The following ASPH variants were observed in gnomAD, a reference collection of about 807,000 sequenced individuals.
ASPH encodes aspartyl/asparaginyl beta-hydroxylase.
In ASPH, 100 loss-of-function variants were observed where a neutral mutation model predicts 118.4. The ratio of observed to expected loss-of-function variants is 0.84; its 90% confidence interval spans 0.72 to 1.00. The LOEUF (loss-of-function observed/expected upper bound fraction) is 1.00. Ranked by LOEUF, ASPH falls within the 50% of genes least tolerant of loss-of-function variation. ASPH has a pLI of 0.00. For missense variants in ASPH, 920 were observed against 919.5 expected (o/e 1.00, Z -0.01); for synonymous variants, 315 against 325.6 (o/e 0.97, Z 0.35).
intron 5 of ASPH, among the ~76,000 whole-genome samples, chr8:61,647,298 T>C (rs1378337277): frequency 1.3e-5 from 2 of 152,240 alleles, no homozygotes; most frequent in Non-Finnish European, 2.9e-5. Flanking sequence ...TTCCTGGGAA[T>C]TGACATAGAA....
chr8:61,638,510 G>A, intron 10 of ASPH, 147 bp from the exon 11 acceptor site: 1 of 684,446 alleles, frequency 1.5e-6, no homozygotes, highest in Admixed American at 3.1e-5. Flanking sequence ...AGAGAGTAGG[G>A]TGGAGAAGAG....
chr8:61,519,663 C>G (rs546830923), intron 22 of ASPH, among the ~76,000 whole-genome samples: 1 of 74,170 alleles, frequency 1.3e-5, no homozygotes, highest in East Asian at 4.2e-4. Flanking sequence ...GTAATCACAG[C>G]ATCCTTAAAT....
At chr8:61,607,154 G>A (rs1845830905) in intron 14 of ASPH, 1 of 632,510 alleles carries the variant, frequency 1.6e-6, no homozygotes, top group Non-Finnish European at 2.8e-6. Flanking sequence ...CACAAAAGGA[G>A]CCTATATATT....
intron 14 of ASPH, among the ~76,000 whole-genome samples, chr8:61,596,073 G>T (rs187866675): frequency 1.8e-3 from 273 of 152,072 alleles, no homozygotes; most frequent in Non-Finnish European, 3.4e-3. Flanking sequence ...GAACAAGTGT[G>T]TCCTACCTGG....
rs994891771 is a variant in ASPH at position 61,652,247 on chromosome 8, A to G, written c.416-1123T>C. Among the ~76,000 whole-genome samples, 6 of 152,338 alleles carry G rather than the reference A, an allele frequency of 3.9e-5. 1 individual carries two copies. The highest frequency in any genetic ancestry group is 1.5e-5 in the Non-Finnish European group (1 of 68,032). On this transcript the variant is annotated intron_variant, in intron 4 of 24. Transcript: ENST00000379454. ...TTCATAACTGCTGAAATCACCATCCAAAGAGAATATAATCTGAGTTACTAG... is the reference window on the plus strand; with the variant it reads ...TTCATAACTGCTGAAATCACCATCCGAAGAGAATATAATCTGAGTTACTAG...
intron 21 of ASPH, among the ~76,000 whole-genome samples, chr8:61,541,920 A>G (rs1459768484): frequency 6.6e-6 from 1 of 152,226 alleles, no homozygotes; most frequent in Non-Finnish European, 1.5e-5. Context: ...AAAAAGGAAA[A>G]GGACACAAGA....
intron 1 of ASPH, among the ~76,000 whole-genome samples, chr8:61,703,093 T>G (rs551110484): frequency 6.6e-6 from 1 of 152,194 alleles, no homozygotes; most frequent in Non-Finnish European, 1.5e-5. Flanking sequence ...GGACTTTGAG[T>G]GAGAAAAAGT....
At chr8:61,629,815 T>C (rs997823996) in intron 13 of ASPH, among the ~76,000 whole-genome samples, 4 of 152,204 alleles carry the variant, frequency 2.6e-5, no homozygotes, top group African/African-American at 7.2e-5. Context: ...CGTCTTCATT[T>C]ATTTAAAATC....
chr8:61,689,351 A>G (rs1027452176), intron 1 of ASPH, among the ~76,000 whole-genome samples: 5 of 152,088 alleles, frequency 3.3e-5, no homozygotes, highest in Non-Finnish European at 7.4e-5. Flanking sequence ...AATTCTTTAA[A>G]TTCATTGTAA....
chr8:61,595,529 G>C (rs866533911), intron 14 of ASPH, among the ~76,000 whole-genome samples: 1 of 152,170 alleles, frequency 6.6e-6, no homozygotes. Context: ...CAAATACTAA[G>C]GTTGAGAGTA....
chr8:61,646,950 C>CCGAGATCT, intron 5 of ASPH, 72 bp from the exon 6 acceptor site: 1 of 1,590,598 alleles, frequency 6.3e-7, no homozygotes, highest in Admixed American at 1.7e-5. Flanking sequence ...AGGGCTGCCA[C>CCGAGATCT]ACACCTGCTC....
At chr8:61,560,594 C>T (rs780933764) in intron 18 of ASPH, among the ~76,000 whole-genome samples, 5 of 151,850 alleles carry the variant, frequency 3.3e-5, no homozygotes, top group Non-Finnish European at 5.9e-5. Flanking sequence ...TATTTTCAGT[C>T]TATTCATGCT....
At chr8:61,653,807 GAA>G in intron 3 of ASPH, 147 bp from the exon 4 acceptor site, 2 of 802,278 alleles carry the variant, frequency 2.5e-6, no homozygotes, top group Non-Finnish European at 3.8e-6. Context: ...AGTGAGGTAG[GAA>G]AACAGTTTGC....
chr8:61,562,117 C>A (rs1830148378), intron 18 of ASPH, among the ~76,000 whole-genome samples: 1 of 152,124 alleles, frequency 6.6e-6, no homozygotes, highest in South Asian at 2.1e-4. Flanking sequence ...ATTCATTGGG[C>A]ATCCTGTTCA....
At chr8:61,519,031 T>C (rs1286286628) in intron 22 of ASPH, among the ~76,000 whole-genome samples, 1 of 152,224 alleles carries the variant, frequency 6.6e-6, no homozygotes, top group Non-Finnish European at 1.5e-5. Flanking sequence ...CTGAAAACAC[T>C]TGAGCTTGCC....
At chr8:61,644,457 A>C (rs568713121) in intron 7 of ASPH, 143 bp downstream of exon 7, 2 of 598,612 alleles carry the variant, frequency 3.3e-6, no homozygotes, top group African/African-American at 3.9e-5. Context: ...TACCATAAAT[A>C]TAAGACGTAA....
chr8:61,558,169 T>C (rs557566790), intron 18 of ASPH, among the ~76,000 whole-genome samples: 3 of 152,266 alleles, frequency 2.0e-5, no homozygotes, highest in South Asian at 2.1e-4. Context: ...AATGTAGCTA[T>C]AGATAGGCAC....
intron 22 of ASPH, among the ~76,000 whole-genome samples, chr8:61,519,983 C>T (rs1350704861): frequency 6.6e-6 from 1 of 152,122 alleles, no homozygotes; most frequent in Non-Finnish European, 1.5e-5. Flanking sequence ...AGGAAAATAG[C>T]TTATATTATA....
rs371485848 is a variant in ASPH at position 61,503,432 on chromosome 8, C to T, written c.2204G>A (p.Arg735Gln). The change falls in exon 25 of 25, where the codon CGG (arginine) becomes CAG (glutamine). Residue 735 changes from arginine to glutamine, a missense_variant. Coordinates refer to ENST00000379454, the MANE Select transcript of ASPH (RefSeq NM_004318.4). ...CCACACATCCACGATGAATATCAGC[C>T]GGAAAGATGAGGCATCCTGCCATAC... Reference protein sequence around the residue: ...HEVWQDASSFRLIFIVDVWHP... With the variant: ...HEVWQDASSFQLIFIVDVWHP... 2.7e-5 allele frequency: 43 copies of T among 1,612,964 alleles called. No homozygotes were observed. Among genetic ancestry groups the T allele is most frequent in the South Asian group, 9.9e-5 (9 of 90,898 alleles).
Sources: allele counts gnomAD v4.1 joint callset (sites outside exome capture counted in the v4.1 genomes callset), GRCh38; gene constraint gnomAD v4.1.1; transcripts MANE v1.5; gene names NCBI Gene and HGNC (gene_info 2026-07-23, HGNC 2026-07-21).